TMEM219: variants seen among roughly 807,000 people sequenced by gnomAD.
The protein encoded by TMEM219 is transmembrane protein 219, also known as insulin-like growth factor-binding protein 3 receptor.
A neutral mutation model predicts 17.9 loss-of-function variants in TMEM219; 18 were observed. The ratio of observed to expected loss-of-function variants is 1.01; its 90% CI spans 0.70 to 1.49. The LOEUF (loss-of-function observed/expected upper bound fraction) is 1.49. TMEM219 is among the 40% of genes most tolerant of loss of function. TMEM219 has a pLI of 0.00. For missense variants in TMEM219, 288 were observed against 292.4 expected, an observed-to-expected ratio of 0.99 and a Z score of 0.11; for synonymous variants, 113 against 124.0, an observed-to-expected ratio of 0.91 and a Z score of 0.59.
intron 3 of TMEM219, among the ~76,000 whole-genome samples, chr16:29,966,538 A>T (rs2069214512): frequency 6.6e-6 from 1 of 152,152 alleles, no homozygotes; most frequent in Non-Finnish European, 1.5e-5. Context: ...TATTCTGGCC[A>T]GGCGTGGTGG....
intron 3 of TMEM219, among the ~76,000 whole-genome samples, chr16:29,967,763 TA>T (rs1021615605): frequency 9.2e-5 from 14 of 151,880 alleles, no homozygotes; most frequent in African/African-American, 3.4e-4. Context: ...CCGTCTCTAC[TA>T]AAAATACAAA....
At chr16:29,971,162 C>T (rs1307415665) in intron 4 of TMEM219, among the ~76,000 whole-genome samples, 5 of 151,006 alleles carry the variant, frequency 3.3e-5, no homozygotes, top group Non-Finnish European at 5.9e-5. Flanking sequence ...AGGAGAATGG[C>T]GTGAACCCAG....
rs1370283917 is a variant in TMEM219 at position 29,969,506 on chromosome 16, T to TA, written c.585+1260dup. Among the ~76,000 whole-genome samples the TA allele has an allele frequency of 5.3e-5, 8 of 151,492 alleles. No individual in the cohort carries two copies. The East Asian group carries it at 5.8e-4, about 11-fold the overall frequency. ...CACTGCGCCTGGCGACCCCATTTCTTAAAAAAAACATTTTTTTTTTTAATT... is the reference window on the plus strand; with the variant it reads ...CACTGCGCCTGGCGACCCCATTTCTTAAAAAAAAACATTTTTTTTTTTAATT... On this transcript the variant is annotated intron_variant, in intron 4 of 5. Coordinates refer to ENST00000279396, the MANE Select transcript of TMEM219 (RefSeq NM_001083613.2).
chr16:29,963,356 CTT>C, intron 2 of TMEM219, 42 bp from the exon 3 acceptor site: 1 of 1,613,736 alleles, frequency 6.2e-7, no homozygotes, highest in Non-Finnish European at 8.5e-7. Context: ...CCTAGACAGG[CTT>C]TTGCTGCTAA....
chr16:29,963,176 C>T lies in TMEM219; in HGVS notation c.33C>T (p.His11=). ...ACTGCCAGGCAGGGCACAACCTGCA[C>T]CTGTGTCTGGCCCACCACCCACCTC... is the stretch of plus-strand genomic sequence containing the variant. The part of the protein sequence containing the change: MGNCQAGHNL[H]LCLAHHPPLV... Residue 11 remains histidine, a synonymous_variant, in exon 2 of 6, where the codon CAC becomes CAT. Transcript: ENST00000279396. The T allele has an allele frequency of 1.2e-6, 2 of 1,613,382 alleles. No homozygotes were observed. Among genetic ancestry groups the T allele is most frequent in the East Asian group, 2.2e-5 (1 of 44,894 alleles).
chr16:29,970,865 G>GC (rs1046874095), intron 4 of TMEM219, among the ~76,000 whole-genome samples: 5 of 150,740 alleles, frequency 3.3e-5, no homozygotes, highest in African/African-American at 1.2e-4. Flanking sequence ...GATCGCTGGA[G>GC]CCCAGGAGGC....
At position 29,973,029 on chromosome 16, in the gene TMEM219, AT is replaced by A. The variant is rs2069325540; in HGVS notation, c.*114del. 1 of 152,168 alleles carries A rather than the reference AT, an allele frequency of 6.6e-6. No homozygotes were observed. The highest frequency in any genetic ancestry group is 1.9e-4 in the East Asian group (1 of 5,204). The allele number at this position is 152,168 out of a possible 1,614,324, so 9.4% of individuals were successfully genotyped here. On this transcript the variant is annotated 3_prime_UTR_variant, in exon 6 of 6. Coordinates refer to ENST00000279396, the MANE Select transcript of TMEM219 (RefSeq NM_001083613.2). Reference sequence around the variant, plus strand: ...GTGAAGAGCTGGAATGTGGGGGAAAATAAAAAGCTTTTTTGCCCAGTGGCGT... The same window carrying A: ...GTGAAGAGCTGGAATGTGGGGGAAAAAAAAAGCTTTTTTGCCCAGTGGCGT...
chr16:29,963,130 C>T lies in TMEM219; in HGVS notation c.-14C>T, dbSNP rs375055627. ...AGCAGGCTCTCCCCGGAGGCTCAGC[C>T]CCCTCTGCTCCCCATGGGCAACTGC... On this transcript the variant is annotated 5_prime_UTR_variant, in exon 2 of 6. Coordinates refer to ENST00000279396, the MANE Select transcript of TMEM219 (RefSeq NM_001083613.2). The T allele has an allele frequency of 1.9e-6, 3 of 1,609,456 alleles. No individual in the cohort carries two copies. Among genetic ancestry groups the T allele is most frequent in the Non-Finnish European group, 1.7e-6 (2 of 1,179,716 alleles).
chr16:29,967,434 C>T (rs910045516), intron 3 of TMEM219, among the ~76,000 whole-genome samples: 4 of 152,120 alleles, frequency 2.6e-5, no homozygotes, highest in Non-Finnish European at 4.4e-5. Flanking sequence ...TACAGTGATA[C>T]CCTGTCTCTA....
chr16:29,967,972 G>C, intron 3 of TMEM219, 53 bp from the exon 4 acceptor site: 2 of 1,357,230 alleles, frequency 1.5e-6, no homozygotes, highest in South Asian at 2.4e-5. Context: ...GAAGACAGAG[G>C]CTCCCGCGTC....
intron 3 of TMEM219, among the ~76,000 whole-genome samples, chr16:29,967,729 C>T (rs1224742465): frequency 3.9e-5 from 6 of 152,072 alleles, no homozygotes; most frequent in Non-Finnish European, 5.9e-5. Flanking sequence ...AGATCAAGAC[C>T]ATCCTGGCTA....
At chr16:29,966,167 C>T (rs886625245) in intron 3 of TMEM219, among the ~76,000 whole-genome samples, 20 of 152,158 alleles carry the variant, frequency 1.3e-4, no homozygotes, top group African/African-American at 4.8e-4. Flanking sequence ...CCGGGTCTGG[C>T]GTATTACCCA....
chr16:29,968,636 TAGAG>T (rs2069244962), intron 4 of TMEM219: 1 of 185,638 alleles, frequency 5.4e-6, no homozygotes. Flanking sequence ...TAATTGCTAT[TAGAG>T]AGATGTGAGC....
chr16:29,963,370 C>G (rs376886497), intron 2 of TMEM219, 30 bp from the exon 3 acceptor site: 4 of 1,613,510 alleles, frequency 2.5e-6, no homozygotes, highest in South Asian at 2.2e-5. Flanking sequence ...TGCTGCTAAT[C>G]TCATCTCACC....
At chr16:29,965,626 G>C (rs1388023369) in intron 3 of TMEM219, among the ~76,000 whole-genome samples, 3 of 151,472 alleles carry the variant, frequency 2.0e-5, no homozygotes, top group Non-Finnish European at 4.4e-5. Context: ...AGCTACTTGG[G>C]AGGCTAAGGT....
rs2069236795 is a variant in TMEM219, at chr16:29,968,097, A to G, written c.428A>G (p.Tyr143Cys). Residue 143 changes from tyrosine to cysteine, a missense_variant, in exon 4 of 6, where the codon TAT (tyrosine) becomes TGT (cysteine). Transcript: ENST00000279396. ...TTERTAGTCL[Y>C]FSAVPGILPS... ...GAAAGGACTGCAGGAACCTGCCTAT[A>G]TTTTAGTGCTGTTCCAGGAATCCTA... 1 of 1,614,038 alleles carries G rather than the reference A, an allele frequency of 6.2e-7. No homozygotes were observed. Among genetic ancestry groups the G allele is most frequent in the Non-Finnish European group, 8.5e-7 (1 of 1,180,000 alleles).
chr16:29,970,249 G>A (rs541787036), intron 4 of TMEM219, among the ~76,000 whole-genome samples: 1 of 149,770 alleles, frequency 6.7e-6, no homozygotes, highest in East Asian at 2.1e-4. Context: ...AAGAAAAAAA[G>A]AAAAGACCCC....
intron 3 of TMEM219, among the ~76,000 whole-genome samples, chr16:29,964,639 C>T (rs1391337955): frequency 1.3e-5 from 2 of 151,802 alleles, no homozygotes; most frequent in African/African-American, 4.8e-5. Flanking sequence ...CTAGCCTGGG[C>T]AACAGAGACT....
At chr16:29,962,425 G>A (rs1468250128) in intron 1 of TMEM219, among the ~76,000 whole-genome samples, 1 of 152,106 alleles carries the variant, frequency 6.6e-6, no homozygotes, top group Non-Finnish European at 1.5e-5. Context: ...CACCTTGCGT[G>A]GGAAGGAGCA....
Sources: allele counts gnomAD v4.1 joint callset (sites outside exome capture counted in the v4.1 genomes callset), GRCh38; gene constraint gnomAD v4.1.1; transcripts MANE v1.5; gene names NCBI Gene and HGNC (gene_info 2026-07-23, HGNC 2026-07-21).